Variants in CDS2 observed in about 807,000 individuals in gnomAD.
The protein encoded by CDS2 is CDP-diacylglycerol synthase 2, also known as phosphatidate cytidylyltransferase 2.
A neutral mutation model predicts 59.0 loss-of-function variants in CDS2; 47 were observed. The ratio of observed to expected loss-of-function variants is 0.80; its 90% CI spans 0.63 to 1.02. CDS2 has a LOEUF of 1.02. Ranked by LOEUF, CDS2 falls within the 50% of genes least tolerant of loss-of-function variation. The pLI is 0.00. For missense variants in CDS2, 356 were observed against 558.9 expected (o/e 0.64, Z 3.66); for synonymous variants, 207 against 206.4 (o/e 1.00, Z -0.02).
chr20:5,172,413 A>G (rs1362992546), intron 1 of CDS2, among the ~76,000 whole-genome samples: 2 of 152,232 alleles, frequency 1.3e-5, no homozygotes, highest in African/African-American at 2.4e-5. Flanking sequence ...TCAATAAAAA[A>G]AGGAAGGCAG....
chr20:5,143,353 C>G (rs2090711123), intron 1 of CDS2, among the ~76,000 whole-genome samples: 1 of 152,152 alleles, frequency 6.6e-6, no homozygotes, highest in South Asian at 2.1e-4. Flanking sequence ...TAGATTGGCA[C>G]AATCATTCTG....
At chr20:5,186,242 C>T (rs1200869224) in intron 9 of CDS2, among the ~76,000 whole-genome samples, 1 of 152,224 alleles carries the variant, frequency 6.6e-6, no homozygotes, top group African/African-American at 2.4e-5. Flanking sequence ...TTCTTCAGCA[C>T]TGTCTGGCTG....
chr20:5,176,847 T>G (rs2090998698), intron 4 of CDS2, 102 bp downstream of exon 4: 3 of 818,626 alleles, frequency 3.7e-6, no homozygotes, highest in East Asian at 2.4e-5. Flanking sequence ...GCTATAGAGA[T>G]AAATGCTGGA....
rs575151835 is a variant in CDS2, at chr20:5,178,937, C to A, written c.510C>A (p.Ser170=). ...TCAGTAAATACCACCGGTTCATTTC[C>A]TTTACTCTCTATCTAATAGGTATGC... ...RILSKYHRFI[S]FTLYLIGFCM... Residue 170 remains serine (S), a synonymous_variant, in exon 5 of 13, where the codon TCC becomes TCA. Coordinates refer to ENST00000460006, the MANE Select transcript of CDS2 (RefSeq NM_003818.4). The A allele has an allele frequency of 6.2e-7, 1 of 1,614,022 alleles. No homozygotes were observed. Among genetic ancestry groups the A allele is most frequent in the African/African-American group, 1.3e-5 (1 of 75,000 alleles).
rs779143998 is a variant in CDS2 at position 5,185,843 on chromosome 20, A to C, written c.828+17A>C. On this transcript the variant is annotated intron_variant, in intron 9 of 12. Coordinates refer to ENST00000460006, the MANE Select transcript of CDS2 (RefSeq NM_003818.4). ...GGCCTTCTGGTAGGTGGTGGCTTTC[A>C]GCTGTGTAAGGGATTGGGTGGACAG... The C allele has an allele frequency of 4.3e-6, 7 of 1,612,856 alleles. No individual in the cohort carries two copies. Among genetic ancestry groups the C allele is most frequent in the Non-Finnish European group, 4.2e-6 (5 of 1,178,870 alleles).
At chr20:5,152,080 T>A (rs1336551818) in intron 1 of CDS2, among the ~76,000 whole-genome samples, 11 of 146,658 alleles carry the variant, frequency 7.5e-5, no homozygotes, top group East Asian at 2.0e-4. Flanking sequence ...CATGGCTTTT[T>A]AAAAAAAAAA....
At position 5,192,764 on chromosome 20, in the gene CDS2, C is replaced by T. The variant is rs966212893; in HGVS notation, c.*2530C>T. 6.6e-6 allele frequency: 1 copy of T among 152,262 alleles called. No individual in the cohort carries two copies. Among genetic ancestry groups the T allele is most frequent in the African/African-American group, 2.4e-5 (1 of 41,542 alleles). 9.4% of individuals were successfully genotyped at this position (152,262 alleles called of 1,614,324 possible). A position where few individuals can be genotyped will look rare whatever the true frequency, so the allele number is the denominator to read the frequency against. ...TCATGAATACTGCATAGTCCTGATT[C>T]AGAGACTTTTGCTTTGCTTTCCAAC... On this transcript the variant is annotated 3_prime_UTR_variant, in exon 13 of 13. Transcript: ENST00000460006.
intron 9 of CDS2, 24 bp downstream of exon 9, chr20:5,185,850 T>C: frequency 6.2e-7 from 1 of 1,611,000 alleles, no homozygotes; most frequent in Non-Finnish European, 8.5e-7. Flanking sequence ...TTCAGCTGTG[T>C]AAGGGATTGG....
intron 5 of CDS2, among the ~76,000 whole-genome samples, chr20:5,179,954 G>C (rs557691491): frequency 6.6e-6 from 1 of 152,142 alleles, no homozygotes; most frequent in Admixed American, 6.5e-5. Context: ...CAGCTTGATA[G>C]CAATACTTCT....
At chr20:5,175,112 T>C (rs2090984890) in intron 2 of CDS2, 71 bp from the exon 3 acceptor site, 1 of 1,100,226 alleles carries the variant, frequency 9.1e-7, no homozygotes, top group East Asian at 2.4e-5. Flanking sequence ...TCCATATCCC[T>C]TGAGTTTGTG....
At chr20:5,138,727 C>G (rs1045404680) in intron 1 of CDS2, among the ~76,000 whole-genome samples, 1 of 151,902 alleles carries the variant, frequency 6.6e-6, no homozygotes, top group Non-Finnish European at 1.5e-5. Context: ...CTCAGGTGAT[C>G]CACATGCCTT....
chr20:5,169,264 G>A (rs193247194), intron 1 of CDS2, among the ~76,000 whole-genome samples: 1 of 152,300 alleles, frequency 6.6e-6, no homozygotes, highest in East Asian at 1.9e-4. Context: ...GGGTGCCTGG[G>A]AGCTGGGTGG....
At position 5,154,454 on chromosome 20, in the gene CDS2, A is replaced by G. The variant is rs144834175; in HGVS notation, c.58-19069A>G. 2.3e-3 allele frequency among the ~76,000 whole-genome samples: 353 copies of G among 152,334 alleles called. 1 individual carries two copies. The highest frequency in any genetic ancestry group is 7.9e-3 in the African/African-American group (330 of 41,566). ...CATGGGGATATAGCAGTGAATAAACAAAGTCTCTTCCACTCTGAGCATTCG... is the reference window on the plus strand; with the variant it reads ...CATGGGGATATAGCAGTGAATAAACGAAGTCTCTTCCACTCTGAGCATTCG... On this transcript the variant is annotated intron_variant, in intron 1 of 12. Coordinates refer to ENST00000460006, the MANE Select transcript of CDS2 (RefSeq NM_003818.4).
At chr20:5,168,417 C>CA (rs71332877) in intron 1 of CDS2, among the ~76,000 whole-genome samples, 2,333 of 71,090 alleles carry the variant, frequency 0.033, 53 homozygotes, top group African/African-American at 0.09. Flanking sequence ...TCTGTCCCCC[C>CA]AAAAAAAAAA....
intron 1 of CDS2, among the ~76,000 whole-genome samples, chr20:5,134,316 C>G (rs1794916298): frequency 6.6e-6 from 1 of 152,180 alleles, no homozygotes; most frequent in Non-Finnish European, 1.5e-5. Context: ...TTCAACGCTT[C>G]TCTTTAGAAC....
chr20:5,152,765 G>A (rs182152902), intron 1 of CDS2, among the ~76,000 whole-genome samples: 3 of 152,210 alleles, frequency 2.0e-5, no homozygotes, highest in Non-Finnish European at 2.9e-5. Context: ...ACACACACAT[G>A]AATTAGTCTC....
intron 1 of CDS2, among the ~76,000 whole-genome samples, chr20:5,163,783 C>CT (rs1568536662): frequency 7.0e-6 from 1 of 142,612 alleles, no homozygotes; most frequent in African/African-American, 2.6e-5. Flanking sequence ...TTCATAATTT[C>CT]TTTCTTTCTT....
chr20:5,177,285 G>A (rs1014951920), intron 4 of CDS2, among the ~76,000 whole-genome samples: 1 of 151,876 alleles, frequency 6.6e-6, no homozygotes, highest in African/African-American at 2.4e-5. Flanking sequence ...TGTTATCCTT[G>A]GAACTTGGTT....
chr20:5,145,285 T>G (rs1430411956), intron 1 of CDS2, among the ~76,000 whole-genome samples: 4 of 118,812 alleles, frequency 3.4e-5, no homozygotes, highest in African/African-American at 1.3e-4. Context: ...GAGAGTTCCA[T>G]TCTAGCGCTC....
Sources: allele counts gnomAD v4.1 joint callset (sites outside exome capture counted in the v4.1 genomes callset), GRCh38; gene constraint gnomAD v4.1.1; transcripts MANE v1.5; gene names NCBI Gene and HGNC (gene_info 2026-07-23, HGNC 2026-07-21).